FHIT: variants seen among roughly 807,000 people sequenced by gnomAD.
FHIT encodes the protein fragile histidine triad diadenosine triphosphatase.
In FHIT, 19 loss-of-function variants were observed where a neutral mutation model predicts 17.9. That is an observed-to-expected ratio of 1.06 (90% CI 0.74 to 1.56). The LOEUF (loss-of-function observed/expected upper bound fraction) is 1.56. Among genes scored for constraint, FHIT ranks in the 40% most tolerant of loss-of-function variants. The pLI is 0.00. For synonymous variants in FHIT, 81 were observed against 69.7 expected (o/e 1.16, Z -0.81); for missense variants, 248 against 189.2 (o/e 1.31, Z -1.82).
intron 5 of FHIT, among the ~76,000 whole-genome samples, chr3:60,338,909 A>G (rs1001937378): frequency 6.6e-6 from 1 of 152,192 alleles, no homozygotes; most frequent in Non-Finnish European, 1.5e-5. Context: ...ACCTCAGCGC[A>G]CTACTTAATA....
At chr3:60,932,551 G>C (rs1346417196) in intron 3 of FHIT, among the ~76,000 whole-genome samples, 1 of 152,166 alleles carries the variant, frequency 6.6e-6, no homozygotes, top group Non-Finnish European at 1.5e-5. Flanking sequence ...GCACAACTGA[G>C]ACTTTTGACA....
chr3:60,477,602 G>C (rs2033411349), intron 5 of FHIT, among the ~76,000 whole-genome samples: 1 of 152,156 alleles, frequency 6.6e-6, no homozygotes, highest in African/African-American at 2.4e-5. Flanking sequence ...CTGCATTTTA[G>C]ATCTACTGCA....
Position 60,937,950 on chromosome 3 carries a change from C to T in FHIT, c.-111+104097G>A, listed in dbSNP as rs142557585. ...GTCTCACATAAATACCAATCCCTGT[C>T]GCTGGAACAAGGGGGTCCCAGCCTC... is the stretch of plus-strand genomic sequence containing the variant. On this transcript the variant is annotated intron_variant, in intron 3 of 9. Coordinates refer to ENST00000492590, the MANE Select transcript of FHIT (RefSeq NM_002012.4). Among the ~76,000 whole-genome samples, 644 of 152,204 alleles carry T rather than the reference C, an allele frequency of 4.2e-3. 4 individuals carry two copies. The highest frequency in any genetic ancestry group is 0.014 in the African/African-American group (583 of 41,534).
At chr3:60,300,514 T>C (rs1708413800) in intron 5 of FHIT, among the ~76,000 whole-genome samples, 1 of 152,144 alleles carries the variant, frequency 6.6e-6, no homozygotes, top group Non-Finnish European at 1.5e-5. Context: ...TATTTTGTTT[T>C]GTTTTGTTTT....
intron 4 of FHIT, among the ~76,000 whole-genome samples, chr3:60,579,747 A>C (rs2037693545): frequency 6.6e-6 from 1 of 152,152 alleles, no homozygotes; most frequent in African/African-American, 2.4e-5. Flanking sequence ...GAGAAGGGAA[A>C]ATGTTGGCAT....
At chr3:59,803,771 C>T (rs1700091697) in intron 8 of FHIT, among the ~76,000 whole-genome samples, 1 of 151,862 alleles carries the variant, frequency 6.6e-6, no homozygotes, top group Admixed American at 6.6e-5. Flanking sequence ...AGGGAGATTG[C>T]CAGGTAATAA....
At chr3:60,874,376 A>G (rs1704548557) in intron 3 of FHIT, among the ~76,000 whole-genome samples, 1 of 152,168 alleles carries the variant, frequency 6.6e-6, no homozygotes, top group Admixed American at 6.5e-5. Flanking sequence ...CTCTTGGGCT[A>G]GTGACCAAAT....
intron 5 of FHIT, among the ~76,000 whole-genome samples, chr3:60,172,917 T>C (rs1469946980): frequency 2.0e-5 from 3 of 152,200 alleles, no homozygotes; most frequent in Non-Finnish European, 2.9e-5. Context: ...GATATAAAGA[T>C]TGCTACCACA....
intron 7 of FHIT, among the ~76,000 whole-genome samples, chr3:59,929,372 T>G (rs1471766238): frequency 1.5e-5 from 2 of 135,034 alleles, no homozygotes; most frequent in Non-Finnish European, 3.2e-5. Flanking sequence ...GGTTTTTTTT[T>G]TTTTTTTTTT....
chr3:60,329,662 C>T (rs947612759), intron 5 of FHIT, among the ~76,000 whole-genome samples: 4 of 152,190 alleles, frequency 2.6e-5, no homozygotes. Flanking sequence ...ATTCCATCTG[C>T]ATTCCTGCCT....
At chr3:59,786,214 CA>C (rs1198023463) in intron 8 of FHIT, among the ~76,000 whole-genome samples, 1 of 152,138 alleles carries the variant, frequency 6.6e-6, no homozygotes, top group Non-Finnish European at 1.5e-5. Context: ...TCCTCCTGGA[CA>C]ACAGAGACAA....
At chr3:59,820,084 T>C (rs891182269) in intron 8 of FHIT, among the ~76,000 whole-genome samples, 36 of 152,234 alleles carry the variant, frequency 2.4e-4, no homozygotes, top group African/African-American at 8.7e-4. Flanking sequence ...TAAACTTCTT[T>C]TTTAAATTAC....
intron 4 of FHIT, among the ~76,000 whole-genome samples, chr3:60,712,248 G>GC (rs2041555534): frequency 6.6e-6 from 1 of 152,104 alleles, no homozygotes; most frequent in Admixed American, 6.5e-5. Context: ...GTCACCACCA[G>GC]GCTGCCCTAA....
chr3:59,908,785 G>A (rs1392071018), intron 8 of FHIT, among the ~76,000 whole-genome samples: 1 of 152,092 alleles, frequency 6.6e-6, no homozygotes, highest in Non-Finnish European at 1.5e-5. Flanking sequence ...CAGGGCTGAT[G>A]AGATGGTTTG....
rs1043596941 is a variant in FHIT at position 59,930,719 on chromosome 3, T to G, written c.280-8305A>C. On this transcript the variant is annotated intron_variant, in intron 7 of 9. Transcript: ENST00000492590. ...CTTTGAAAACTACTAGGATTAGAAT[T>G]AGGAAACGTTGGGGGGTGGTAAGAG... 1.7e-4 allele frequency among the ~76,000 whole-genome samples: 26 copies of G among 152,270 alleles called. No individual in the cohort carries two copies. In the East Asian group the frequency reaches 5.0e-3, roughly 29 times the overall value.
chr3:60,989,825 G>A (rs552460101), intron 3 of FHIT, among the ~76,000 whole-genome samples: 136 of 152,200 alleles, frequency 8.9e-4, no homozygotes, highest in African/African-American at 2.9e-3. Flanking sequence ...ACTCAGAGAC[G>A]GTAAACAGAA....
At chr3:60,529,071 T>C (rs1394790401) in intron 5 of FHIT, among the ~76,000 whole-genome samples, 1 of 152,202 alleles carries the variant, frequency 6.6e-6, no homozygotes, top group East Asian at 1.9e-4. Context: ...ATAGTTTAGA[T>C]TGCAAACTAC....
chr3:60,908,132 G>C (rs1431774482), intron 3 of FHIT, among the ~76,000 whole-genome samples: 3 of 152,114 alleles, frequency 2.0e-5, no homozygotes, highest in African/African-American at 7.2e-5. Context: ...AATTCTGGAG[G>C]GTTCAATTGG....
At chr3:59,939,582 A>G (rs1156305710) in intron 7 of FHIT, among the ~76,000 whole-genome samples, 2 of 152,188 alleles carry the variant, frequency 1.3e-5, no homozygotes, top group Non-Finnish European at 2.9e-5. Context: ...TGGTCAAGAA[A>G]GCCAATTGAA....
Sources: allele counts gnomAD v4.1 joint callset (sites outside exome capture counted in the v4.1 genomes callset), GRCh38; gene constraint gnomAD v4.1.1; transcripts MANE v1.5; gene names NCBI Gene and HGNC (gene_info 2026-07-23, HGNC 2026-07-21).